Variants in ZMYM2 observed in about 807,000 individuals in gnomAD.
The protein encoded by ZMYM2 is zinc finger MYM-type protein 2.
Under a neutral mutation model 162.8 loss-of-function variants are expected in ZMYM2, and 56 were observed. The observed-to-expected ratio is 0.34, with a 90% CI of 0.28 to 0.43. ZMYM2 has a LOEUF of 0.43. Ranked by LOEUF, ZMYM2 falls within the 20% of genes least tolerant of loss-of-function variation. The pLI, the probability that ZMYM2 is intolerant of heterozygous loss-of-function variation, is 1.00. For missense variants in ZMYM2, 1,275 were observed against 1,621.8 expected (o/e 0.79, Z 3.67); for synonymous variants, 510 against 541.6 (o/e 0.94, Z 0.81).
At chr13:19,958,092 A>G (rs1319349285), upstream of ZMYM2, among the ~76,000 whole-genome samples, 3 of 152,138 alleles carry the variant, frequency 2.0e-5, no homozygotes, top group Non-Finnish European at 4.4e-5. Flanking sequence ...GTGGGGGACT[A>G]TTCCCCACGG....
rs1410101772 is a variant in ZMYM2, at chr13:19,958,819, CGCG to C, written c.-100_-98del. 8 of 152,836 alleles carry C rather than the reference CGCG, an allele frequency of 5.2e-5. No homozygotes were observed. Among genetic ancestry groups the C allele is most frequent in the Non-Finnish European group, 1.0e-4 (7 of 68,648 alleles). The allele number at this position is 152,836 out of a possible 1,614,324, so 9.5% of individuals were successfully genotyped here. A position where few individuals can be genotyped will look rare whatever the true frequency, so the allele number is the denominator to read the frequency against. Reference sequence around the variant, plus strand: ...GGGCCGGGGGAGGGGAGGTTCGTTCCGCGGAGCCCCAGCCAGAACCGGGTGAGG... The same window carrying C: ...GGGCCGGGGGAGGGGAGGTTCGTTCCGAGCCCCAGCCAGAACCGGGTGAGG... On this transcript the variant is annotated 5_prime_UTR_variant, in exon 1 of 25. Coordinates refer to ENST00000610343, the MANE Select transcript of ZMYM2 (RefSeq NM_197968.4).
intron 6 of ZMYM2, among the ~76,000 whole-genome samples, chr13:20,008,767 G>A (rs1203695160): frequency 1.3e-5 from 2 of 152,010 alleles, no homozygotes; most frequent in Non-Finnish European, 1.5e-5. Context: ...TAAGGTATCA[G>A]TGTTACATTT....
chr13:19,891,430 C>T, the ZMYM2 span, among the ~76,000 whole-genome samples: 1 of 151,458 alleles, frequency 6.6e-6, no homozygotes, highest in African/African-American at 2.4e-5. Flanking sequence ...TCTAATATGG[C>T]ACCCAGAGCT....
intron 20 of ZMYM2, 52 bp from the exon 21 acceptor site, chr13:20,067,187 C>G (rs1956745344): frequency 6.8e-7 from 1 of 1,469,834 alleles, no homozygotes; most frequent in Admixed American, 2.2e-5. Flanking sequence ...GTTTCTTAAC[C>G]TTAATAAGAC....
the ZMYM2 span, among the ~76,000 whole-genome samples, chr13:19,866,604 C>T: frequency 2.6e-5 from 4 of 152,064 alleles, no homozygotes; most frequent in East Asian, 7.7e-4. Flanking sequence ...GGTGGGGTTG[C>T]GGTGAGCCGA....
the ZMYM2 span, among the ~76,000 whole-genome samples, chr13:19,953,412 C>T: frequency 1.2e-4 from 19 of 152,190 alleles, no homozygotes; most frequent in South Asian, 1.5e-3. Context: ...AGGCTGGGCA[C>T]GGTGGCTCAC....
At position 19,993,420 on chromosome 13, in the gene ZMYM2, A is replaced by G; in HGVS notation, c.348A>G (p.Thr116=). 2 of 1,613,872 alleles carry G rather than the reference A, an allele frequency of 1.2e-6. No homozygotes were observed. The highest frequency in any genetic ancestry group is 4.5e-5 in the East Asian group (2 of 44,876). ...LASQKGSVSE[T]IVIDDEEDME... Reference sequence around the variant, plus strand: ...CTCAGAAGGGAAGTGTAAGTGAGACAATTGTCATTGATGATGAAGAGGACA... The same window carrying G: ...CTCAGAAGGGAAGTGTAAGTGAGACGATTGTCATTGATGATGAAGAGGACA... Residue 116 remains threonine (T), a synonymous_variant, in exon 3 of 25, where the codon ACA becomes ACG. Coordinates refer to ENST00000610343, the MANE Select transcript of ZMYM2 (RefSeq NM_197968.4).
At chr13:20,071,951 A>C (rs1957118064) in intron 21 of ZMYM2, 1 of 190,116 alleles carries the variant, frequency 5.3e-6, no homozygotes, top group Non-Finnish European at 1.1e-5. Context: ...TTGGGAACAA[A>C]GTTATATAAT....
intron 5 of ZMYM2, among the ~76,000 whole-genome samples, chr13:20,005,875 G>GT (rs1435108900): frequency 1.3e-5 from 2 of 151,932 alleles, no homozygotes; most frequent in Admixed American, 6.6e-5. Flanking sequence ...TCACTGATGG[G>GT]TTTTTTTCTT....
chr13:20,016,449 A>G (rs1036788329), intron 6 of ZMYM2, among the ~76,000 whole-genome samples: 4 of 152,126 alleles, frequency 2.6e-5, no homozygotes, highest in African/African-American at 9.7e-5. Context: ...TCTCCCATAT[A>G]TTTACTAAAG....
chr13:20,029,193 T>C (rs997610671), intron 9 of ZMYM2, among the ~76,000 whole-genome samples: 10 of 152,236 alleles, frequency 6.6e-5, no homozygotes, highest in Admixed American at 2.6e-4. Flanking sequence ...TTGTTGTCCG[T>C]TGAAGGTCTA....
the ZMYM2 span, among the ~76,000 whole-genome samples, chr13:19,882,407 G>A: frequency 6.6e-6 from 1 of 152,134 alleles, no homozygotes; most frequent in East Asian, 1.9e-4. Context: ...ACTAGCACAT[G>A]AAAAGATGTT....
At chr13:19,897,927 T>C in the ZMYM2 span, among the ~76,000 whole-genome samples, 2 of 152,058 alleles carry the variant, frequency 1.3e-5, no homozygotes, top group Non-Finnish European at 2.9e-5. Context: ...CTTTCAACAA[T>C]TGATAGAACA....
intron 5 of ZMYM2, 63 bp from the exon 6 acceptor site, chr13:20,006,311 T>G: frequency 2.7e-6 from 4 of 1,458,740 alleles, no homozygotes; most frequent in Non-Finnish European, 3.7e-6. Flanking sequence ...TTCAGAATGC[T>G]TTATTATTTA....
intron 1 of ZMYM2, among the ~76,000 whole-genome samples, chr13:19,959,419 G>A (rs1954926482): frequency 6.6e-6 from 1 of 152,162 alleles, no homozygotes; most frequent in Admixed American, 6.5e-5. Context: ...TGCGCTGCGC[G>A]GCTCTTGCTC....
At chr13:19,900,926 T>G in the ZMYM2 span, among the ~76,000 whole-genome samples, 4 of 151,932 alleles carry the variant, frequency 2.6e-5, no homozygotes, top group African/African-American at 9.6e-5. Flanking sequence ...CAGCTACTCG[T>G]GAGGCTGAGG....
At chr13:20,034,517 T>A in intron 11 of ZMYM2, 113 bp downstream of exon 11, 2 of 1,028,942 alleles carry the variant, frequency 1.9e-6, no homozygotes. Context: ...CAAAAAAAAT[T>A]GAGTTTACGT....
chr13:19,991,624 C>CTTTT lies in ZMYM2; in HGVS notation c.-10-1426_-10-1423dup, dbSNP rs11413369. 1.9e-3 allele frequency among the ~76,000 whole-genome samples: 244 copies of CTTTT among 131,370 alleles called. 1 individual carries two copies. Among genetic ancestry groups the CTTTT allele is most frequent in the African/African-American group, 6.6e-3 (230 of 34,872 alleles). 86.2% of individuals were successfully genotyped at this position (131,370 alleles called of 152,430 possible). ...CCAGAATTTCTTTTCTTTTCTTTTT[C>CTTTT]TTTTTTTTTTTTTTTTCCCATTTTG... is the stretch of plus-strand genomic sequence containing the variant. On this transcript the variant is annotated intron_variant, in intron 2 of 24. Coordinates refer to ENST00000610343, the MANE Select transcript of ZMYM2 (RefSeq NM_197968.4).
the ZMYM2 span, among the ~76,000 whole-genome samples, chr13:19,870,071 G>A: frequency 2.0e-5 from 3 of 152,190 alleles, no homozygotes; most frequent in African/African-American, 4.8e-5. Context: ...AGGGGCTGAT[G>A]GATCTGCTTA....
Sources: gnomAD v4.1 joint callset for allele counts (sites outside exome capture counted in the v4.1 genomes callset) on GRCh38, gnomAD v4.1.1 for gene constraint, MANE v1.5 for transcripts, NCBI Gene and HGNC (gene_info 2026-07-23, HGNC 2026-07-21) for gene names.